HDGFL2: variants seen among roughly 807,000 people sequenced by gnomAD.
HDGFL2 encodes the protein hepatoma-derived growth factor-related protein 2.
A neutral mutation model predicts 77.1 loss-of-function variants in HDGFL2; 36 were observed. The ratio of observed to expected loss-of-function variants is 0.47; its 90% CI spans 0.36 to 0.62. The LOEUF is 0.62. Among genes scored for constraint, HDGFL2 ranks in the 20% least tolerant of loss-of-function variants. The pLI is 0.00. For synonymous variants in HDGFL2, 463 were observed against 413.1 expected (o/e 1.12, Z -1.46); for missense variants, 976 against 973.4 (o/e 1.00, Z -0.04).
At position 4,494,422 on chromosome 19, in the gene HDGFL2, C is replaced by A; in HGVS notation, c.1171C>A (p.Arg391=). The change falls in exon 9 of 16, where the codon CGG becomes AGG. Residue 391 remains arginine, a synonymous_variant. Transcript: ENST00000616600. ...GAAGCGGGGACGCAAGGGCCGGGGCCGGGGTCCCCCGTCCTCCTCTGACTC... is the reference window on the plus strand; with the variant it reads ...GAAGCGGGGACGCAAGGGCCGGGGCAGGGGTCCCCCGTCCTCCTCTGACTC... ...VKKRGRKGRG[R]GPPSSSDSEP... 7.1e-7 allele frequency: 1 copy of A among 1,403,986 alleles called. No homozygotes were observed. The highest frequency in any genetic ancestry group is 9.2e-7 in the Non-Finnish European group (1 of 1,083,914). The allele number at this position is 1,403,986 out of a possible 1,614,324, so 87.0% of individuals were successfully genotyped here.
intron 3 of HDGFL2, among the ~76,000 whole-genome samples, chr19:4,478,841 C>T (rs34959125): frequency 0.1 from 15,133 of 151,908 alleles, 943 homozygotes; most frequent in South Asian, 0.21. Context: ...TGTGCCACCA[C>T]GCCCGGCTAA....
intron 9 of HDGFL2, among the ~76,000 whole-genome samples, chr19:4,495,261 G>A (rs1041416498): frequency 5.3e-5 from 8 of 151,010 alleles, no homozygotes; most frequent in Non-Finnish European, 7.4e-5. Context: ...TGTGGCAGGT[G>A]CCTGTAGTCC....
At chr19:4,496,840 T>G in intron 10 of HDGFL2, 1 of 388,538 alleles carries the variant, frequency 2.6e-6, no homozygotes, top group Non-Finnish European at 4.9e-6. Flanking sequence ...CCCCCTGTGG[T>G]GGGCAGACAG....
At chr19:4,485,303 C>A (rs1390119418) in intron 3 of HDGFL2, among the ~76,000 whole-genome samples, 1 of 152,196 alleles carries the variant, frequency 6.6e-6, no homozygotes, top group East Asian at 1.9e-4. Context: ...AGCGTGGCAT[C>A]CTCAAGGTTC....
chr19:4,492,325 G>GTGC, intron 6 of HDGFL2, among the ~76,000 whole-genome samples: 1 of 140,936 alleles, frequency 7.1e-6, no homozygotes, highest in African/African-American at 2.6e-5. Context: ...TGTGTCGTGT[G>GTGC]TGCACATGTC....
chr19:4,491,576 C>T lies in HDGFL2; in HGVS notation c.500C>T (p.Ser167Leu), dbSNP rs781039084. The change falls in exon 5 of 16, where the codon TCG becomes TTG. Residue 167 changes from serine (S) to leucine (L), a missense_variant. Physicochemically the swap from Ser to Leu is moderately radical, Grantham distance 145. Transcript: ENST00000616600. ...CCGTTCCCCTTCCAGATGTCGGTCT[C>T]GAAACGAGCCCGAAAGGCCTCCAGC... Reference protein sequence around the residue: ...RKTPALKMSVSKRARKASSDL... With the variant: ...RKTPALKMSVLKRARKASSDL... 1.8e-5 allele frequency: 29 copies of T among 1,613,564 alleles called. No homozygotes were observed. Among genetic ancestry groups the T allele is most frequent in the Middle Eastern group, 1.6e-4 (1 of 6,082 alleles).
At chr19:4,498,758 G>A (rs1568217698) in intron 12 of HDGFL2, 56 bp from the exon 13 acceptor site, 2 of 1,234,104 alleles carry the variant, frequency 1.6e-6, no homozygotes, top group South Asian at 1.3e-5. Context: ...GGGGCCCTGG[G>A]ACCCCTGGGG....
At chr19:4,496,478 C>T (rs778921280) in intron 10 of HDGFL2, 73 bp downstream of exon 10, 4 of 1,132,664 alleles carry the variant, frequency 3.5e-6, no homozygotes, top group Non-Finnish European at 5.2e-6. Flanking sequence ...TCACCCCTCA[C>T]AGGGGCAGCC....
intron 1 of HDGFL2, among the ~76,000 whole-genome samples, chr19:4,473,374 G>C (rs1974994079): frequency 1.3e-5 from 2 of 151,870 alleles, no homozygotes; most frequent in Admixed American, 1.3e-4. Context: ...TCGTGTGTCT[G>C]GGGGTGTCCA....
chr19:4,501,739 C>T (rs1975893938), intron 15 of HDGFL2, 172 bp from the exon 16 acceptor site: 2 of 550,488 alleles, frequency 3.6e-6, no homozygotes, highest in East Asian at 3.2e-5. Flanking sequence ...CGTGGGGACC[C>T]TGGAGATGGT....
At position 4,498,370 on chromosome 19, in the gene HDGFL2, C is replaced by T. The variant is rs762823956; in HGVS notation, c.1467C>T (p.Asp489=). 14 of 1,613,016 alleles carry T rather than the reference C, an allele frequency of 8.7e-6. No individual in the cohort carries two copies. The highest frequency in any genetic ancestry group is 4.5e-5 in the East Asian group (2 of 44,898). The change falls in exon 12 of 16, where the codon GAC becomes GAT. Residue 489 remains aspartate, a synonymous_variant. Transcript: ENST00000616600. ...AGATCAAGTTTGCCCTAAAGGTCGA[C>T]AGCCCGGTAAGACCCTCAGGGCCTG... ...HSEIKFALKV[D]SPDVKRCLNA...
Position 4,475,467 on chromosome 19 carries a change from C to A in HDGFL2, c.172C>A (p.Leu58Met). The A allele has an allele frequency of 6.2e-7, 1 of 1,612,840 alleles. No individual in the cohort carries two copies. Residue 58 changes from leucine (L) to methionine (M), a missense_variant, in exon 3 of 16, where the codon CTG (leucine) becomes ATG (methionine). This residue lies in a region of HDGFL2 where 103 missense variants were observed against 145.7 expected (regional missense o/e 0.71). Coordinates refer to ENST00000616600, the MANE Select transcript of HDGFL2 (RefSeq NM_001001520.3). The stretch of plus-strand genomic sequence containing the variant: ...CAGAGCCTTCCTGGGACCCAAGGAC[C>A]TGTTCCCCTACGACAAATGTAAAGA... Reference protein sequence around the residue: ...HETAFLGPKDLFPYDKCKDKY... With the variant: ...HETAFLGPKDMFPYDKCKDKY...
chr19:4,499,080 G>T (rs1023307614), intron 13 of HDGFL2, among the ~76,000 whole-genome samples, 165 bp downstream of exon 13: 6 of 152,190 alleles, frequency 3.9e-5, no homozygotes, highest in Non-Finnish European at 7.3e-5. Context: ...AGGAGTGGTG[G>T]CTCACGCCTG....
Position 4,472,379 on chromosome 19 carries a change from T to C in HDGFL2, c.29T>C (p.Leu10Ser). 6.9e-7 allele frequency: 1 copy of C among 1,450,036 alleles called. No homozygotes were observed. The highest frequency in any genetic ancestry group is 9.2e-7 in the Non-Finnish European group (1 of 1,091,592). The allele number at this position is 1,450,036 out of a possible 1,614,324, so 89.8% of individuals were successfully genotyped here. Reference sequence around the variant, plus strand: ...CCACACGCCTTCAAGCCCGGGGACTTGGTGTTCGCTAAGATGAAGGGCTAC... The same window carrying C: ...CCACACGCCTTCAAGCCCGGGGACTCGGTGTTCGCTAAGATGAAGGGCTAC... MPHAFKPGD[L>S]VFAKMKGYPH... Residue 10 changes from leucine to serine, a missense_variant, in exon 1 of 16, where the codon TTG (leucine) becomes TCG (serine). Physicochemically the swap from Leu to Ser is moderately radical, Grantham distance 145. Coordinates refer to ENST00000616600, the MANE Select transcript of HDGFL2 (RefSeq NM_001001520.3).
In HDGFL2 at chr19:4,498,840, A is replaced by G; in HGVS notation, c.1500A>G (p.Leu500=). ...SPDVKRCLNA[L]EELGTLQVTS... The stretch of plus-strand genomic sequence containing the variant: ...ACGTGAAGAGGTGCCTGAATGCCCT[A>G]GAGGAGCTGGGAACCCTGCAGGTGA... Residue 500 remains leucine, a synonymous_variant, in exon 13 of 16, where the codon CTA becomes CTG. Transcript: ENST00000616600. 1 of 1,610,994 alleles carries G rather than the reference A, an allele frequency of 6.2e-7. No homozygotes were observed. The highest frequency in any genetic ancestry group is 1.3e-5 in the African/African-American group (1 of 74,966).
At position 4,493,967 on chromosome 19, in the gene HDGFL2, C is replaced by T. The variant is rs377649905; in HGVS notation, c.839-15C>T. 3.2e-4 allele frequency: 509 copies of T among 1,603,594 alleles called. 3 individuals carry two copies. The African/African-American group carries it at 6.0e-3, about 19-fold the overall frequency. On this transcript the variant is annotated splice_polypyrimidine_tract_variant and intron_variant, in intron 7 of 15. Coordinates refer to ENST00000616600, the MANE Select transcript of HDGFL2 (RefSeq NM_001001520.3). Reference sequence around the variant, plus strand: ...CCCTGGAAGGGAAGGTCACCCCCTCCTCCTCTTCCTGTAGCGGAGAAGCCT... The same window carrying T: ...CCCTGGAAGGGAAGGTCACCCCCTCTTCCTCTTCCTGTAGCGGAGAAGCCT...
intron 6 of HDGFL2, 52 bp downstream of exon 6, chr19:4,491,887 G>T: frequency 6.6e-7 from 1 of 1,509,880 alleles, no homozygotes; most frequent in South Asian, 1.1e-5. Flanking sequence ...GCACCTCTGC[G>T]GTCTCCAGTG....
chr19:4,478,131 T>C (rs1975117904), intron 3 of HDGFL2, among the ~76,000 whole-genome samples: 2 of 147,444 alleles, frequency 1.4e-5, no homozygotes, highest in Admixed American at 1.4e-4. Flanking sequence ...CCTAGAGGCA[T>C]AGATTTAATT....
rs1253356895 is a variant in HDGFL2, at chr19:4,475,686, G to T, written c.288+103G>T. ...TGGGCACTGTGGACACATGGGGCTC[G>T]ATCGTTCCCTGTGGTGGGGCATTCT... is the stretch of plus-strand genomic sequence containing the variant. On this transcript the variant is annotated intron_variant, in intron 3 of 15. Coordinates refer to ENST00000616600, the MANE Select transcript of HDGFL2 (RefSeq NM_001001520.3). 5.8e-6 allele frequency: 8 copies of T among 1,372,186 alleles called. No individual in the cohort carries two copies. The African/African-American group carries it at 1.0e-4, about 18-fold the overall frequency. 85.0% of individuals were successfully genotyped at this position (1,372,186 alleles called of 1,614,324 possible).
Sources: allele counts gnomAD v4.1 joint callset (sites outside exome capture counted in the v4.1 genomes callset), GRCh38; gene constraint gnomAD v4.1.1; regional missense constraint gnomAD v4.1.1; transcripts MANE v1.5; gene names NCBI Gene and HGNC (gene_info 2026-07-23, HGNC 2026-07-21).